The following WDPCP variants were observed in gnomAD, a reference collection of about 807,000 sequenced individuals.
WDPCP encodes WD repeat containing planar cell polarity effector.
WDPCP carries 71 observed loss-of-function variants against 93.1 expected under a neutral mutation model. That is an observed-to-expected ratio of 0.76 (90% CI 0.63 to 0.93). The LOEUF is 0.93. Among genes scored for constraint, WDPCP ranks in the 40% least tolerant of loss-of-function variants. The pLI, the probability that WDPCP is intolerant of heterozygous loss-of-function variation, is 0.00. For missense variants in WDPCP, 844 were observed against 887.4 expected, an observed-to-expected ratio of 0.95 and a Z score of 0.62; for synonymous variants, 315 against 315.0, an observed-to-expected ratio of 1.00 and a Z score of 0.00.
chr2:63,194,217 TTTTTTAGAACTAGAAGAAGGCAA>T (rs1365794227), intron 14 of WDPCP, among the ~76,000 whole-genome samples: 1 of 152,168 alleles, frequency 6.6e-6, no homozygotes, highest in Non-Finnish European at 1.5e-5. Context: ...ATTTTTCCAT[TTTTTTAGAACTAGAAGAAGGCAA>T]GAGACTAAGA....
chr2:63,587,627 T>C (rs1195250133), intron 1 of WDPCP, among the ~76,000 whole-genome samples: 1 of 152,250 alleles, frequency 6.6e-6, no homozygotes, highest in Non-Finnish European at 1.5e-5. Flanking sequence ...CCGAGCATCA[T>C]ATCTTCCTTT....
At chr2:63,792,628 G>A (rs1399948173) in intron 2 of WDPCP, among the ~76,000 whole-genome samples, 1 of 152,164 alleles carries the variant, frequency 6.6e-6, no homozygotes, top group African/African-American at 2.4e-5. Context: ...GGTGCTCCTG[G>A]CAGAGCATGA....
At chr2:63,462,517 T>A (rs905506338) in intron 6 of WDPCP, among the ~76,000 whole-genome samples, 3 of 151,908 alleles carry the variant, frequency 2.0e-5, no homozygotes, top group Non-Finnish European at 2.9e-5. Context: ...AAATAAATAA[T>A]TAATTAAATA....
intron 1 of WDPCP, among the ~76,000 whole-genome samples, chr2:63,553,119 C>G (rs867305726): frequency 1.6e-4 from 24 of 152,280 alleles, no homozygotes; most frequent in Non-Finnish European, 1.8e-4. Context: ...TAGTTCTCCC[C>G]ACACCACTGT....
intron 2 of WDPCP, among the ~76,000 whole-genome samples, chr2:63,701,251 A>T (rs1669045543): frequency 6.6e-6 from 1 of 152,244 alleles, no homozygotes; most frequent in Admixed American, 6.5e-5. Context: ...GAATATAAAA[A>T]AAAATGCTCA....
intron 2 of WDPCP, among the ~76,000 whole-genome samples, chr2:63,808,389 C>T (rs994910638): frequency 4.7e-5 from 7 of 147,540 alleles, no homozygotes; most frequent in African/African-American, 7.7e-5. Flanking sequence ...CCTCTGATGC[C>T]GAGCCGAAGC....
intron 13 of WDPCP, among the ~76,000 whole-genome samples, chr2:63,304,557 C>T (rs1465302101): frequency 6.6e-6 from 1 of 152,268 alleles, no homozygotes; most frequent in Middle Eastern, 3.4e-3. Flanking sequence ...AGGAACAGTG[C>T]ATTTAGGCCC....
Position 63,404,392 on chromosome 2 carries a change from T to A in WDPCP, c.1091A>T (p.Tyr364Phe), listed in dbSNP as rs1468559179. 1 of 1,614,196 alleles carries A rather than the reference T, an allele frequency of 6.2e-7. No homozygotes were observed. The highest frequency in any genetic ancestry group is 8.5e-7 in the Non-Finnish European group (1 of 1,180,010). The change falls in exon 10 of 18, where the codon TAT becomes TTT. Residue 364 changes from tyrosine (Y) to phenylalanine (F), a missense_variant. Physicochemically the swap from Tyr to Phe is conservative, Grantham distance 22. Transcript: ENST00000272321. ...GAGAGTCACTCTACGGTGAGTTTCA[T>A]AAAGAATTAGCGAAGAATCTTCACA... ...LGCEDSSLIL[Y>F]ETHRRVTLLA...
At position 63,630,010 on chromosome 2, in the gene WDPCP, A is replaced by G. The variant is rs562926573; in HGVS notation, n.488+20649T>C. 7.9e-5 allele frequency among the ~76,000 whole-genome samples: 12 copies of G among 152,370 alleles called. No homozygotes were observed. The South Asian group carries it at 2.3e-3, about 29-fold the overall frequency. ...TATGATTTAAATCTGACAAGGATTT[A>G]AAGGCAGCTATTATAAATGCTTCAA... On this transcript the variant is annotated intron_variant and non_coding_transcript_variant, in intron 3 of 4. Transcript: ENST00000467687.
At chr2:63,797,986 T>C (rs1337595297) in intron 2 of WDPCP, among the ~76,000 whole-genome samples, 1 of 152,230 alleles carries the variant, frequency 6.6e-6, no homozygotes, top group Non-Finnish European at 1.5e-5. Flanking sequence ...GCAGAAGACT[T>C]TTCAGTGGAA....
chr2:63,589,295 G>C, upstream of WDPCP: 1 of 1,550,762 alleles, frequency 6.4e-7, no homozygotes, highest in South Asian at 1.2e-5. Flanking sequence ...GGAGAGGAGC[G>C]ATCTTAATCC....
At chr2:63,485,904 AT>A (rs1440455318) in intron 4 of WDPCP, among the ~76,000 whole-genome samples, 1 of 151,832 alleles carries the variant, frequency 6.6e-6, no homozygotes. Context: ...ATTTGGGTCT[AT>A]AAACAATTTT....
intron 3 of WDPCP, among the ~76,000 whole-genome samples, chr2:63,623,478 T>C (rs551817607): frequency 3.4e-5 from 5 of 147,346 alleles, no homozygotes; most frequent in South Asian, 4.3e-4. Flanking sequence ...AATAAAGGGA[T>C]GGAGGAATAT....
intron 10 of WDPCP, among the ~76,000 whole-genome samples, chr2:63,388,923 T>C (rs950743038): frequency 5.2e-4 from 79 of 152,308 alleles, no homozygotes; most frequent in African/African-American, 1.8e-3. Flanking sequence ...CTAGGTTTGA[T>C]AGGTGTACCT....
chr2:63,213,141 A>G (rs1351507633), intron 14 of WDPCP, among the ~76,000 whole-genome samples: 1 of 152,090 alleles, frequency 6.6e-6, no homozygotes, highest in Non-Finnish European at 1.5e-5. Flanking sequence ...CAGCTACAGA[A>G]CTCTTCACCC....
At position 63,192,383 on chromosome 2, in the gene WDPCP, A is replaced by T. The variant is rs139624860; in HGVS notation, c.1916-17551T>A. ...AGAAAGAAGAGATAAGCTGGGTGAA[A>T]AAAAATGTAAAGGACAAAGACTAAA... On this transcript the variant is annotated intron_variant, in intron 14 of 17. Transcript: ENST00000272321. 6.5e-3 allele frequency among the ~76,000 whole-genome samples: 997 copies of T among 152,354 alleles called. 12 individuals carry two copies. Among genetic ancestry groups the T allele is most frequent in the African/African-American group, 0.022 (931 of 41,588 alleles).
chr2:63,790,643 T>G (rs1043058893), intron 2 of WDPCP, among the ~76,000 whole-genome samples: 1 of 152,156 alleles, frequency 6.6e-6, no homozygotes, highest in Non-Finnish European at 1.5e-5. Flanking sequence ...ATGAAGCCTT[T>G]GATGAGGGAA....
intron 2 of WDPCP, among the ~76,000 whole-genome samples, chr2:63,810,765 A>G (rs1038679550): frequency 6.6e-6 from 1 of 152,260 alleles, no homozygotes; most frequent in Non-Finnish European, 1.5e-5. Context: ...AAGGAGAAAC[A>G]GGATCAAATT....
chr2:63,554,060 ACC>A (rs1467691104), intron 1 of WDPCP, among the ~76,000 whole-genome samples: 2 of 152,222 alleles, frequency 1.3e-5, no homozygotes, highest in Admixed American at 6.5e-5. Context: ...TGCCAGTTTC[ACC>A]CATTGTTCCA....
Sources: allele counts gnomAD v4.1 joint callset (sites outside exome capture counted in the v4.1 genomes callset), GRCh38; gene constraint gnomAD v4.1.1; transcripts MANE v1.5; gene names NCBI Gene and HGNC (gene_info 2026-07-23, HGNC 2026-07-21).